ASAP3: variants seen among roughly 807,000 people sequenced by gnomAD.
ASAP3 encodes the protein ArfGAP with SH3 domain, ankyrin repeat and PH domain 3.
A neutral mutation model predicts 118.2 loss-of-function variants in ASAP3; 85 were observed. The ratio of observed to expected loss-of-function variants is 0.72; its 90% confidence interval spans 0.60 to 0.86. The LOEUF (loss-of-function observed/expected upper bound fraction) is 0.86. Ranked by LOEUF, ASAP3 falls within the 40% of genes least tolerant of loss-of-function variation. The pLI, the probability that ASAP3 is intolerant of heterozygous loss-of-function variation, is 0.00. For missense variants in ASAP3, 1,026 were observed against 1,175.0 expected, an observed-to-expected ratio of 0.87 and a Z score of 1.85; for synonymous variants, 432 against 477.4, an observed-to-expected ratio of 0.90 and a Z score of 1.24.
intron 5 of ASAP3, among the ~76,000 whole-genome samples, chr1:23,446,439 CTTT>C (rs11365378): frequency 1.4e-3 from 180 of 130,166 alleles, no homozygotes; most frequent in Admixed American, 1.8e-3. Flanking sequence ...GTTTTTTTGT[CTTT>C]TTTTTTTTTT....
At chr1:23,464,659 T>TAAAAAAA (rs57655847) in intron 1 of ASAP3, among the ~76,000 whole-genome samples, 25 of 47,096 alleles carry the variant, frequency 5.3e-4, no homozygotes, top group African/African-American at 2.4e-3. Context: ...GACACTGTCT[T>TAAAAAAA]AAAAAAAAAA....
At chr1:23,456,537 G>C (rs1011444958) in intron 1 of ASAP3, among the ~76,000 whole-genome samples, 9 of 152,326 alleles carry the variant, frequency 5.9e-5, no homozygotes, top group African/African-American at 2.2e-4. Context: ...GTGTCCGTTA[G>C]ACAAATCTGT....
At chr1:23,480,084 C>T (rs1044493978) in intron 1 of ASAP3, 1 of 152,082 alleles carries the variant, frequency 6.6e-6, no homozygotes, top group African/African-American at 2.4e-5. Context: ...ATCACCTGAG[C>T]CCAGGAGGTT....
intron 1 of ASAP3, among the ~76,000 whole-genome samples, chr1:23,463,238 G>A (rs1301462553): frequency 1.3e-5 from 2 of 152,178 alleles, no homozygotes; most frequent in Non-Finnish European, 2.9e-5. Context: ...TGCCCATAGG[G>A]AGCATGAAAA....
intron 19 of ASAP3, 99 bp downstream of exon 19, chr1:23,434,155 G>T: frequency 8.7e-7 from 1 of 1,153,250 alleles, no homozygotes. Flanking sequence ...TCACAGAGGT[G>T]GTCAGAAGCA....
intron 3 of ASAP3, 95 bp downstream of exon 3, chr1:23,455,786 T>A: frequency 6.6e-7 from 1 of 1,518,706 alleles, no homozygotes; most frequent in Non-Finnish European, 8.9e-7. Flanking sequence ...CAAGGGCAAA[T>A]TGGGAGAAGG....
rs1450243874 is a variant in ASAP3, at chr1:23,437,434, C to G, written c.1141G>C (p.Glu381Gln). 6.2e-7 allele frequency: 1 copy of G among 1,614,106 alleles called. No homozygotes were observed. ...CGAGGGGGCACTCACGCCTCACACTCGTGCTCGTCCTCTGCCTGAAAGTGG... is the reference window on the plus strand; with the variant it reads ...CGAGGGGGCACTCACGCCTCACACTGGTGCTCGTCCTCTGCCTGAAAGTGG... ...TYHFQAEDEH[E>Q]CEAWVSVLQN... Residue 381 changes from glutamate to glutamine, a missense_variant, in exon 13 of 25, where the codon GAG becomes CAG. Transcript: ENST00000336689. This position sits in a 1 kb window ranked among gnomAD's most constrained non-coding sequence, Gnocchi z 6.1.
At chr1:23,457,250 C>T (rs1641419974) in intron 1 of ASAP3, among the ~76,000 whole-genome samples, 1 of 152,092 alleles carries the variant, frequency 6.6e-6, no homozygotes, top group South Asian at 2.1e-4. Flanking sequence ...CCACCCTGAC[C>T]CCAGCCCAGC....
chr1:23,442,056 G>A, intron 7 of ASAP3, 130 bp downstream of exon 7: 1 of 969,428 alleles, frequency 1.0e-6, no homozygotes, highest in South Asian at 1.4e-5. Flanking sequence ...AGCACTCAAT[G>A]AGGAACTATG....
chr1:23,434,496 T>C, intron 18 of ASAP3, 37 bp downstream of exon 18: 1 of 1,604,706 alleles, frequency 6.2e-7, no homozygotes. Flanking sequence ...GGAGAGGGAG[T>C]GTGAGGAGCC....
intron 5 of ASAP3, among the ~76,000 whole-genome samples, chr1:23,447,174 A>G (rs1014389432): frequency 6.6e-6 from 1 of 152,160 alleles, no homozygotes; most frequent in East Asian, 1.9e-4. Context: ...GTACCAGTCC[A>G]TGGCCCAGGG....
intron 10 of ASAP3, among the ~76,000 whole-genome samples, chr1:23,439,909 G>A (rs1041556502): frequency 1.3e-5 from 2 of 152,026 alleles, no homozygotes; most frequent in Non-Finnish European, 2.9e-5. Flanking sequence ...CTGCCTCCCA[G>A]GTTCAAGCAA....
In ASAP3 at chr1:23,429,805, C is replaced by A. The variant is rs752076934; in HGVS notation, c.*51G>T. 2 of 1,570,752 alleles carry A rather than the reference C, an allele frequency of 1.3e-6. No individual in the cohort carries two copies. The highest frequency in any genetic ancestry group is 2.3e-5 in the East Asian group (1 of 44,320). On this transcript the variant is annotated 3_prime_UTR_variant, in exon 25 of 25. Coordinates refer to ENST00000336689, the MANE Select transcript of ASAP3 (RefSeq NM_017707.4). Reference sequence around the variant, plus strand: ...TCCCCAGTTTTGTGAGCTCAAGTCCCAGCTCTGAACATTGGGGCCTAGCAT... The same window carrying A: ...TCCCCAGTTTTGTGAGCTCAAGTCCAAGCTCTGAACATTGGGGCCTAGCAT...
rs1640739248 is a variant in ASAP3 at position 23,438,045 on chromosome 1, C to T, written c.1103-573G>A. Among the ~76,000 whole-genome samples, 1 of 152,156 alleles carries T rather than the reference C, an allele frequency of 6.6e-6. No individual in the cohort carries two copies. The highest frequency in any genetic ancestry group is 1.5e-5 in the Non-Finnish European group (1 of 68,020). ...TGCTACATGAACCCTCCACTCTGGC[C>T]AAACCGGCCAGACCCACTCTCCTGC... On this transcript the variant is annotated intron_variant, in intron 12 of 24. Transcript: ENST00000336689. The surrounding 1 kb of genome is among the most constrained non-coding windows in gnomAD (Gnocchi z 4.9).
At chr1:23,442,452 AG>A in intron 6 of ASAP3, 48 bp downstream of exon 6, 2 of 1,602,580 alleles carry the variant, frequency 1.2e-6, no homozygotes, top group African/African-American at 2.7e-5. Context: ...AGAGGCAGAC[AG>A]GAAGACACAT....
In ASAP3 at chr1:23,431,900, C is replaced by A; in HGVS notation, c.2342G>T (p.Ser781Ile). 1.2e-6 allele frequency: 2 copies of A among 1,612,984 alleles called. No individual in the cohort carries two copies. The highest frequency in any genetic ancestry group is 1.7e-6 in the Non-Finnish European group (2 of 1,179,786). The change falls in exon 23 of 25, where the codon AGC becomes ATC. Residue 781 changes from serine to isoleucine, a missense_variant. Transcript: ENST00000336689. Reference sequence around the variant, plus strand: ...GGTCTCAGGGGCCTCTGAACTCAGGCTGGAGACTTCAGAACGATCTGGAAT... The same window carrying A: ...GGTCTCAGGGGCCTCTGAACTCAGGATGGAGACTTCAGAACGATCTGGAAT... ...HASGDRSEVS[S>I]LSSEAPETPE...
chr1:23,444,180 T>A (rs1005203715), intron 5 of ASAP3, among the ~76,000 whole-genome samples: 1 of 152,210 alleles, frequency 6.6e-6, no homozygotes, highest in Non-Finnish European at 1.5e-5. Flanking sequence ...TGCTCTTCTC[T>A]TTTTAAGTGG....
rs879322233 is a variant in ASAP3 at position 23,438,543 on chromosome 1, T to G, written c.1102+204A>C. Among the ~76,000 whole-genome samples the G allele has an allele frequency of 1.8e-4, 27 of 152,360 alleles. 1 individual carries two copies. Among genetic ancestry groups the G allele is most frequent in the Middle Eastern group, 3.4e-3 (1 of 294 alleles). The stretch of plus-strand genomic sequence containing the variant: ...TATGCTCTGTATAAATAGCCACATT[T>G]ATTATGTAAAGTGGGTGCATTTTGA... On this transcript the variant is annotated intron_variant, in intron 12 of 24. Coordinates refer to ENST00000336689, the MANE Select transcript of ASAP3 (RefSeq NM_017707.4). This position sits in a 1 kb window ranked among gnomAD's most constrained non-coding sequence, Gnocchi z 4.9.
chr1:23,449,439 T>C (rs1641146050), intron 5 of ASAP3, among the ~76,000 whole-genome samples: 1 of 152,198 alleles, frequency 6.6e-6, no homozygotes, highest in African/African-American at 2.4e-5. Context: ...ATCCTCCTCC[T>C]ATATGAACAG....
Sources: gnomAD v4.1 joint callset for allele counts (sites outside exome capture counted in the v4.1 genomes callset) on GRCh38, gnomAD v4.1.1 for gene constraint, Gnocchi (gnomAD v3.1) non-coding constraint, MANE v1.5 for transcripts, NCBI Gene and HGNC (gene_info 2026-07-23, HGNC 2026-07-21) for gene names.